The following ESRRG variants were observed in gnomAD, a reference collection of about 807,000 sequenced individuals.
The protein encoded by ESRRG is estrogen-related receptor gamma.
A neutral mutation model predicts 44.0 loss-of-function variants in ESRRG; 13 were observed. The observed-to-expected ratio is 0.30, with a 90% CI of 0.19 to 0.47. The LOEUF (loss-of-function observed/expected upper bound fraction) is 0.47, where lower values mean the gene tolerates loss of function less well. Ranked by LOEUF, ESRRG falls within the 20% of genes least tolerant of loss-of-function variation. ESRRG has a pLI of 1.00. For synonymous variants in ESRRG, 215 were observed against 214.6 expected (o/e 1.00, Z -0.02); for missense variants, 395 against 580.6 (o/e 0.68, Z 3.29).
At chr1:216,817,445 G>C (rs2095173957) in intron 2 of ESRRG, among the ~76,000 whole-genome samples, 1 of 152,114 alleles carries the variant, frequency 6.6e-6, no homozygotes, top group African/African-American at 2.4e-5. Flanking sequence ...TGGGTTTATA[G>C]GTCTTCTAAT....
intron 3 of ESRRG, among the ~76,000 whole-genome samples, chr1:216,637,775 GT>G (rs971262198): frequency 2.0e-4 from 30 of 147,140 alleles, no homozygotes; most frequent in East Asian, 4.0e-4. Flanking sequence ...TATTCCTCAT[GT>G]TTTTTTTTTC....
intron 5 of ESRRG, among the ~76,000 whole-genome samples, chr1:216,554,904 C>T (rs1015178355): frequency 6.6e-5 from 10 of 152,142 alleles, no homozygotes; most frequent in African/African-American, 2.4e-4. Context: ...CCTTTCACTG[C>T]CCTGATAATC....
intron 1 of ESRRG, among the ~76,000 whole-genome samples, chr1:217,045,699 C>A (rs747257469): frequency 6.6e-6 from 1 of 152,044 alleles, no homozygotes; most frequent in Non-Finnish European, 1.5e-5. Flanking sequence ...CTAGATACGA[C>A]GGCAGTTGTC....
intron 1 of ESRRG, among the ~76,000 whole-genome samples, chr1:217,122,437 T>C (rs1388895119): frequency 6.6e-6 from 1 of 152,172 alleles, no homozygotes; most frequent in Non-Finnish European, 1.5e-5. Flanking sequence ...CTATATTCTA[T>C]AGGCCTGTAA....
At chr1:216,533,224 C>T (rs2049925054) in intron 5 of ESRRG, among the ~76,000 whole-genome samples, 1 of 151,640 alleles carries the variant, frequency 6.6e-6, no homozygotes, top group Middle Eastern at 3.4e-3. Context: ...ACTTACAGGC[C>T]CTCACCAAAT....
chr1:216,680,337 C>T lies in ESRRG; in HGVS notation c.57-2846G>A, dbSNP rs12086557. ...CTTTCAAAATTTGCTGAGGGTCATACAGCTAGGAAGCAGTACAGCCTGAAT... is the reference window on the plus strand; with the variant it reads ...CTTTCAAAATTTGCTGAGGGTCATATAGCTAGGAAGCAGTACAGCCTGAAT... On this transcript the variant is annotated intron_variant, in intron 1 of 6. Transcript: ENST00000408911. 3.9e-3 allele frequency among the ~76,000 whole-genome samples: 587 copies of T among 152,258 alleles called. 2 individuals are homozygous for T. Among genetic ancestry groups the T allele is most frequent in the African/African-American group, 0.013 (559 of 41,544 alleles).
At chr1:216,752,630 G>A (rs10779279) in intron 2 of ESRRG, among the ~76,000 whole-genome samples, 10,562 of 152,088 alleles carry the variant, frequency 0.069, 450 homozygotes, top group South Asian at 0.11. Flanking sequence ...TCAAAGAACT[G>A]TTTAGCCCAG....
intron 2 of ESRRG, among the ~76,000 whole-genome samples, chr1:216,669,987 T>C (rs958429804): frequency 4.6e-5 from 7 of 152,230 alleles, no homozygotes; most frequent in Non-Finnish European, 8.8e-5. Context: ...AAACTGATAA[T>C]CACTGCGATT....
chr1:216,526,658 G>T (rs1366499045), intron 5 of ESRRG, among the ~76,000 whole-genome samples: 1 of 152,198 alleles, frequency 6.6e-6, no homozygotes, highest in Non-Finnish European at 1.5e-5. Context: ...ACCCACAGGT[G>T]ACCTTCTTAT....
At chr1:216,938,998 C>T (rs770080378) in intron 2 of ESRRG, among the ~76,000 whole-genome samples, 2 of 151,986 alleles carry the variant, frequency 1.3e-5, no homozygotes, top group Non-Finnish European at 2.9e-5. Context: ...CATAATTTCC[C>T]TTCAAAAATG....
At chr1:216,589,771 G>C (rs746807615) in intron 3 of ESRRG, among the ~76,000 whole-genome samples, 1 of 151,804 alleles carries the variant, frequency 6.6e-6, no homozygotes, top group African/African-American at 2.4e-5. Flanking sequence ...GGGCATGGTC[G>C]TGTGCACCTG....
chr1:216,839,925 A>G (rs189280568), intron 2 of ESRRG, among the ~76,000 whole-genome samples: 90 of 152,372 alleles, frequency 5.9e-4, no homozygotes, highest in Non-Finnish European at 1.0e-3. Flanking sequence ...GAGCACAGGC[A>G]GAGAAGGATT....
chr1:216,989,409 A>C (rs923977222), intron 1 of ESRRG, among the ~76,000 whole-genome samples: 2 of 138,268 alleles, frequency 1.4e-5, no homozygotes, highest in African/African-American at 5.5e-5. Context: ...CTCTGTCTGC[A>C]TGGTAGAGAC....
chr1:216,680,723 T>A (rs948009915), intron 1 of ESRRG, among the ~76,000 whole-genome samples: 2 of 152,212 alleles, frequency 1.3e-5, no homozygotes, highest in Non-Finnish European at 2.9e-5. Context: ...AACCTAAAAC[T>A]ACAGCGAGTC....
intron 2 of ESRRG, among the ~76,000 whole-genome samples, chr1:216,827,847 T>C (rs999143378): frequency 6.6e-6 from 1 of 152,170 alleles, no homozygotes; most frequent in Non-Finnish European, 1.5e-5. Flanking sequence ...AGAGTAAGCT[T>C]ATTTCCAAAT....
intron 2 of ESRRG, among the ~76,000 whole-genome samples, chr1:216,807,053 G>A (rs2094815392): frequency 6.6e-6 from 1 of 152,126 alleles, no homozygotes; most frequent in African/African-American, 2.4e-5. Context: ...AATTTCTTGA[G>A]CTTTAATGCA....
intron 6 of ESRRG, among the ~76,000 whole-genome samples, chr1:216,512,414 A>G (rs962200475): frequency 2.0e-5 from 3 of 152,242 alleles, no homozygotes; most frequent in African/African-American, 4.8e-5. Flanking sequence ...TAGGAAAAAT[A>G]AAATGAAGGA....
At chr1:216,947,298 T>G (rs2066208183) in intron 1 of ESRRG, among the ~76,000 whole-genome samples, 1 of 152,214 alleles carries the variant, frequency 6.6e-6, no homozygotes, top group East Asian at 1.9e-4. Context: ...ATGGGTACCC[T>G]TGACTCACTG....
chr1:216,641,039 T>C (rs993449005), intron 3 of ESRRG, among the ~76,000 whole-genome samples: 1 of 152,212 alleles, frequency 6.6e-6, no homozygotes, highest in Non-Finnish European at 1.5e-5. Context: ...AGATAAATGC[T>C]GGCTTCCTAA....
Sources: gnomAD v4.1 joint callset for allele counts (sites outside exome capture counted in the v4.1 genomes callset) on GRCh38, gnomAD v4.1.1 for gene constraint, MANE v1.5 for transcripts, NCBI Gene and HGNC (gene_info 2026-07-23, HGNC 2026-07-21) for gene names.